The following CNTNAP2 variants were observed in gnomAD, a reference collection of about 807,000 sequenced individuals.
CNTNAP2 encodes the protein contactin-associated protein-like 2.
CNTNAP2 carries 98 observed loss-of-function variants against 155.2 expected under a neutral mutation model. That is an observed-to-expected ratio of 0.63 (90% CI 0.54 to 0.75). The LOEUF (loss-of-function observed/expected upper bound fraction) is 0.75. Ranked by LOEUF, CNTNAP2 falls within the 30% of genes least tolerant of loss-of-function variation. CNTNAP2 has a pLI of 0.00. For synonymous variants in CNTNAP2, 651 were observed against 631.2 expected (o/e 1.03, Z -0.47); for missense variants, 1,727 against 1,688.1 (o/e 1.02, Z -0.40).
chr7:148,389,686 A>G (rs1411955249), intron 22 of CNTNAP2: 3 of 152,100 alleles, frequency 2.0e-5, no homozygotes, highest in African/African-American at 4.8e-5. Flanking sequence ...TTCTTACCAG[A>G]GAAGTTTCTC....
chr7:146,880,518 T>C (rs1025814411), intron 3 of CNTNAP2, among the ~76,000 whole-genome samples: 7 of 152,062 alleles, frequency 4.6e-5, no homozygotes. Flanking sequence ...ATTAAGTAAA[T>C]AAAGATCTTA....
At chr7:146,222,655 T>A in intron 1 of CNTNAP2, among the ~76,000 whole-genome samples, 1 of 91,460 alleles carries the variant, frequency 1.1e-5, no homozygotes, top group South Asian at 4.7e-4. Flanking sequence ...TGGGAAAAGG[T>A]AAATTTTTTT....
intron 3 of CNTNAP2, among the ~76,000 whole-genome samples, chr7:146,881,358 T>C (rs1198545310): frequency 6.6e-6 from 1 of 152,172 alleles, no homozygotes; most frequent in South Asian, 2.1e-4. Flanking sequence ...AATTGTGGGA[T>C]TTATTAGGAT....
intron 1 of CNTNAP2, among the ~76,000 whole-genome samples, chr7:146,574,367 G>A (rs1285899028): frequency 1.3e-5 from 2 of 152,076 alleles, no homozygotes; most frequent in Non-Finnish European, 2.9e-5. Flanking sequence ...ATTGTTTTAA[G>A]TCAGGCATGC....
rs530613253 is a variant in CNTNAP2, at chr7:147,742,960, C to T, written c.2098+103654C>T. On this transcript the variant is annotated intron_variant, in intron 13 of 23. Transcript: ENST00000361727. ...CTGAAAATTGGGAGGACAATGTGGA[C>T]AGTGTGTGCTCCTATGAGAATTTCA... Among the ~76,000 whole-genome samples the T allele has an allele frequency of 6.6e-5, 10 of 152,318 alleles. No individual in the cohort carries two copies. In the South Asian group the frequency reaches 2.1e-3, roughly 32 times the overall value.
rs61083792 is a variant in CNTNAP2 at position 146,170,803 on chromosome 7, G to A, written c.97+53830G>A. Among the ~76,000 whole-genome samples the A allele has an allele frequency of 8.6e-3, 1,311 of 152,062 alleles. 21 individuals are homozygous for A. The highest frequency in any genetic ancestry group is 0.03 in the African/African-American group (1,247 of 41,488). ...GGCACTTTGGGAGGCCGAGGCAGGCGGATCACGAGGTCAGGAGTTCTGGAC... is the reference window on the plus strand; with the variant it reads ...GGCACTTTGGGAGGCCGAGGCAGGCAGATCACGAGGTCAGGAGTTCTGGAC... On this transcript the variant is annotated intron_variant, in intron 1 of 23. Coordinates refer to ENST00000361727, the MANE Select transcript of CNTNAP2 (RefSeq NM_014141.6).
chr7:146,770,375 G>T (rs980314766), intron 1 of CNTNAP2, among the ~76,000 whole-genome samples: 2 of 151,468 alleles, frequency 1.3e-5, no homozygotes, highest in Non-Finnish European at 2.9e-5. Context: ...GCCTGAAGTA[G>T]TGAAAACAGC....
At chr7:146,561,735 A>G (rs528219348) in intron 1 of CNTNAP2, among the ~76,000 whole-genome samples, 10 of 152,170 alleles carry the variant, frequency 6.6e-5, no homozygotes, top group Non-Finnish European at 1.2e-4. Flanking sequence ...GGTGAAAATG[A>G]TATGAAATTC....
In CNTNAP2 at chr7:146,536,398, A is replaced by G. The variant is rs192354816; in HGVS notation, c.98-237873A>G. ...CTTTCCAAATGGGGATTTATGTTTG[A>G]GAATTCAGTATTTTAGTCCAAAGGA... On this transcript the variant is annotated intron_variant, in intron 1 of 23. Transcript: ENST00000361727. Among the ~76,000 whole-genome samples, 37 of 152,236 alleles carry G rather than the reference A, an allele frequency of 2.4e-4. 1 individual carries two copies. The East Asian group carries it at 6.6e-3, about 27-fold the overall frequency.
At chr7:147,653,923 A>G (rs1352098863) in intron 13 of CNTNAP2, among the ~76,000 whole-genome samples, 1 of 152,222 alleles carries the variant, frequency 6.6e-6, no homozygotes, top group Non-Finnish European at 1.5e-5. Flanking sequence ...ATGGTGAGGT[A>G]ATCAAGGCAG....
chr7:146,179,463 A>G (rs1798519734), intron 1 of CNTNAP2, among the ~76,000 whole-genome samples: 1 of 152,162 alleles, frequency 6.6e-6, no homozygotes, highest in African/African-American at 2.4e-5. Flanking sequence ...TAATGATCCA[A>G]ACTAATTGAT....
chr7:148,331,445 A>ATGGG (rs1798009333), intron 21 of CNTNAP2, among the ~76,000 whole-genome samples: 1 of 108,046 alleles, frequency 9.3e-6, no homozygotes, highest in African/African-American at 3.9e-5. Context: ...GACGTATGGA[A>ATGGG]TGGATGGATG....
intron 14 of CNTNAP2, among the ~76,000 whole-genome samples, chr7:147,935,417 G>A (rs918061700): frequency 6.6e-6 from 1 of 152,160 alleles, no homozygotes; most frequent in African/African-American, 2.4e-5. Flanking sequence ...GAGCCACTGC[G>A]CCCAGCCGAG....
Position 147,842,847 on chromosome 7 carries a change from G to GT in CNTNAP2, c.2099-60712dup, listed in dbSNP as rs1418416558. On this transcript the variant is annotated intron_variant, in intron 13 of 23. Transcript: ENST00000361727. ...TATGAGTGAGAATATGCGGTGTTTG[G>GT]TTTTTTGTTCTTGCGATAGTTTACT... Among the ~76,000 whole-genome samples, 6 of 51,384 alleles carry GT rather than the reference G, an allele frequency of 1.2e-4. No individual in the cohort carries two copies. The East Asian group carries it at 3.1e-3, about 26-fold the overall frequency. 33.7% of individuals were successfully genotyped at this position (51,384 alleles called of 152,430 possible). A position where few individuals can be genotyped will look rare whatever the true frequency, so the allele number is the denominator to read the frequency against.
At chr7:147,754,698 A>G (rs1797190295) in intron 13 of CNTNAP2, among the ~76,000 whole-genome samples, 1 of 152,014 alleles carries the variant, frequency 6.6e-6, no homozygotes, top group Non-Finnish European at 1.5e-5. Flanking sequence ...ATTACATAAG[A>G]AAAAAAATTT....
At chr7:146,914,435 C>T (rs1301333369) in intron 3 of CNTNAP2, among the ~76,000 whole-genome samples, 1 of 152,054 alleles carries the variant, frequency 6.6e-6, no homozygotes, top group African/African-American at 2.4e-5. Flanking sequence ...GTTCCCTTTT[C>T]AACACATCCA....
chr7:147,020,037 ATATAG>A (rs1167642194), intron 3 of CNTNAP2, among the ~76,000 whole-genome samples: 24 of 152,228 alleles, frequency 1.6e-4, no homozygotes, highest in South Asian at 2.1e-4. Flanking sequence ...TACAGAATAG[ATATAG>A]TATAGTATAG....
intron 9 of CNTNAP2, among the ~76,000 whole-genome samples, chr7:147,350,970 T>G (rs34546298): frequency 0.23 from 34,442 of 151,666 alleles, 4,295 homozygotes; most frequent in Non-Finnish European, 0.28. Context: ...TTTGGCTATT[T>G]TTAATATAAA....
rs13310207 is a variant in CNTNAP2, at chr7:148,366,114, A to C, written c.3476-17535A>C. 3.0e-4 allele frequency among the ~76,000 whole-genome samples: 4 copies of C among 13,448 alleles called. 1 individual carries two copies. Among genetic ancestry groups the C allele is most frequent in the African/African-American group, 2.1e-4 (1 of 4,682 alleles). 8.8% of individuals were successfully genotyped at this position (13,448 alleles called of 152,430 possible). On this transcript the variant is annotated intron_variant, in intron 21 of 23. Coordinates refer to ENST00000361727, the MANE Select transcript of CNTNAP2 (RefSeq NM_014141.6). The stretch of plus-strand genomic sequence containing the variant: ...TACATGTATGTGTATGCATGTATGC[A>C]TGTATGTGTATGCATGTATGCATGT...
Sources: allele counts gnomAD v4.1 joint callset (sites outside exome capture counted in the v4.1 genomes callset), GRCh38; gene constraint gnomAD v4.1.1; transcripts MANE v1.5; gene names NCBI Gene and HGNC (gene_info 2026-07-23, HGNC 2026-07-21).